RIMBP2: variants seen among roughly 807,000 people sequenced by gnomAD.
The protein encoded by RIMBP2 is RIMS binding protein 2.
A neutral mutation model predicts 118.6 loss-of-function variants in RIMBP2; 48 were observed. That is an observed-to-expected ratio of 0.40 (90% CI 0.32 to 0.51). The LOEUF (loss-of-function observed/expected upper bound fraction) is 0.51, where lower values mean the gene tolerates loss of function less well. RIMBP2 is among the 20% of genes least tolerant of loss of function. The pLI is 0.41. For missense variants in RIMBP2, 1,551 were observed against 1,768.3 expected (o/e 0.88, Z 2.20); for synonymous variants, 762 against 742.9 (o/e 1.03, Z -0.42).
At chr12:130,567,524 A>G (rs1383637237) in intron 2 of RIMBP2, among the ~76,000 whole-genome samples, 1 of 152,112 alleles carries the variant, frequency 6.6e-6, no homozygotes, top group Admixed American at 6.5e-5. Context: ...CACTAGAGGG[A>G]GACAGAACGG....
At chr12:130,417,171 G>C (rs2076152619) in intron 17 of RIMBP2, among the ~76,000 whole-genome samples, 1 of 152,152 alleles carries the variant, frequency 6.6e-6, no homozygotes, top group South Asian at 2.1e-4. Context: ...AGCCACTGTG[G>C]AAAGCAGTTT....
chr12:130,456,995 C>T (rs1194075323), intron 6 of RIMBP2, among the ~76,000 whole-genome samples: 1 of 152,224 alleles, frequency 6.6e-6, no homozygotes, highest in Admixed American at 6.5e-5. Context: ...ATGTGAGAAA[C>T]CACAGGTGCC....
intron 1 of RIMBP2, among the ~76,000 whole-genome samples, chr12:130,648,658 CT>C (rs575247641): frequency 0.042 from 5,583 of 132,442 alleles, 468 homozygotes; most frequent in African/African-American, 0.13. Context: ...AAATTAGTAT[CT>C]TTTTTTTTTT....
rs2058092224 is a variant in RIMBP2, at chr12:130,576,503, T to C, written c.-217+51819A>G. Among the ~76,000 whole-genome samples the C allele has an allele frequency of 6.6e-6, 1 of 152,276 alleles. No individual in the cohort carries two copies. The highest frequency in any genetic ancestry group is 1.9e-4 in the East Asian group (1 of 5,160). On this transcript the variant is annotated intron_variant, in intron 2 of 22. Transcript: ENST00000690449. The surrounding 1 kb of genome is among the most constrained non-coding windows in gnomAD (Gnocchi z 4.2). ...AGTATCTCCTCCCGCGGGAAGCAGA[T>C]GGCCCCTGCATGTGCACTTGCTCAT...
At chr12:130,641,099 G>A (rs955102987) in intron 1 of RIMBP2, among the ~76,000 whole-genome samples, 3 of 152,168 alleles carry the variant, frequency 2.0e-5, no homozygotes, top group African/African-American at 7.2e-5. Context: ...ATTCTAACAC[G>A]TGCCTTGGAA....
chr12:130,666,784 A>G, intron 1 of RIMBP2, among the ~76,000 whole-genome samples: 1 of 113,578 alleles, frequency 8.8e-6, no homozygotes, highest in Non-Finnish European at 1.8e-5. Context: ...AGAGGGAAGA[A>G]GGGAGGGATG....
chr12:130,666,329 A>C (rs1236042020), intron 1 of RIMBP2, among the ~76,000 whole-genome samples: 1 of 152,166 alleles, frequency 6.6e-6, no homozygotes, highest in Non-Finnish European at 1.5e-5. Flanking sequence ...GGCACAGGTC[A>C]CCAAACCCTG....
chr12:130,567,545 G>A (rs1593830188), intron 2 of RIMBP2, among the ~76,000 whole-genome samples: 1 of 152,184 alleles, frequency 6.6e-6, no homozygotes, highest in East Asian at 1.9e-4. Context: ...GGGAGAGGGA[G>A]GAGGGAGGGT....
intron 10 of RIMBP2, among the ~76,000 whole-genome samples, chr12:130,443,035 G>A (rs1006789344): frequency 2.0e-5 from 3 of 152,170 alleles, no homozygotes; most frequent in Admixed American, 1.3e-4. Context: ...ACAGTGCACA[G>A]GAAAGATTTG....
rs2061267961 is a variant in RIMBP2, at chr12:130,620,894, C to T, written c.-217+7428G>A. ...AGACTCTGTGACCCGCAGTCAACCA[C>T]CCCACCCAGCAGTGGTGAGCACCTG... On this transcript the variant is annotated intron_variant, in intron 2 of 22. Transcript: ENST00000690449. This position sits in a 1 kb window ranked among gnomAD's most constrained non-coding sequence, Gnocchi z 5.3. Among the ~76,000 whole-genome samples, 1 of 152,192 alleles carries T rather than the reference C, an allele frequency of 6.6e-6. No individual in the cohort carries two copies. The highest frequency in any genetic ancestry group is 2.1e-4 in the South Asian group (1 of 4,820).
intron 1 of RIMBP2, among the ~76,000 whole-genome samples, chr12:130,656,102 G>T (rs539734654): frequency 2.0e-5 from 3 of 152,228 alleles, no homozygotes; most frequent in Non-Finnish European, 4.4e-5. Flanking sequence ...ATGGCCAGCT[G>T]CTCTGCCAGC....
chr12:130,716,066 G>T (rs1040009341), intron 1 of RIMBP2, among the ~76,000 whole-genome samples, 156 bp downstream of exon 1: 3 of 152,122 alleles, frequency 2.0e-5, no homozygotes, highest in Non-Finnish European at 4.4e-5. Context: ...CGGACCCCAC[G>T]CTGAAGGGCA....
intron 2 of RIMBP2, among the ~76,000 whole-genome samples, chr12:130,567,584 C>A (rs192344632): frequency 3.0e-4 from 45 of 152,290 alleles, no homozygotes; most frequent in Admixed American, 2.7e-3. Flanking sequence ...AGTTGCCCCC[C>A]ACATAACTGG....
Position 130,643,078 on chromosome 12 carries a change from T to C in RIMBP2, c.-351-14622A>G, listed in dbSNP as rs148630881. ...GGTTCTCCAACAGCTGCCTCAGGGGTCCTGGCTCAGCTGGCTGTGCTTACA... is the reference window on the plus strand; with the variant it reads ...GGTTCTCCAACAGCTGCCTCAGGGGCCCTGGCTCAGCTGGCTGTGCTTACA... On this transcript the variant is annotated intron_variant, in intron 1 of 22. Transcript: ENST00000690449. Among the ~76,000 whole-genome samples the C allele has an allele frequency of 4.2e-3, 641 of 152,226 alleles. 2 individuals are homozygous for C. Among genetic ancestry groups the C allele is most frequent in the Non-Finnish European group, 7.1e-3 (482 of 68,016 alleles).
intron 1 of RIMBP2, among the ~76,000 whole-genome samples, chr12:130,695,243 G>A (rs1048285715): frequency 2.0e-5 from 3 of 152,148 alleles, no homozygotes; most frequent in Non-Finnish European, 4.4e-5. Flanking sequence ...CTGAGCCTGA[G>A]TTCCTGTTCA....
At chr12:130,715,840 G>T (rs1950291364) in intron 1 of RIMBP2, among the ~76,000 whole-genome samples, 1 of 149,276 alleles carries the variant, frequency 6.7e-6, no homozygotes, top group Admixed American at 6.7e-5. Flanking sequence ...CTCCCCAGGC[G>T]AGCGGGGCCG....
At chr12:130,489,993 A>G (rs775343565) in intron 4 of RIMBP2, among the ~76,000 whole-genome samples, 3 of 152,028 alleles carry the variant, frequency 2.0e-5, no homozygotes, top group East Asian at 1.9e-4. Context: ...GCATGGTGGC[A>G]GGCACCTGTA....
rs535664530 is a variant in RIMBP2 at position 130,441,708 on chromosome 12, G to A, written c.1504+140C>T. On this transcript the variant is annotated intron_variant, in intron 11 of 22. Transcript: ENST00000690449. ...ACGCACACACGTTCTGTGCTTCGCC[G>A]GTGACCTAAGGGATTTTCCAGGGTC... The A allele has an allele frequency of 1.5e-4, 110 of 735,282 alleles. 2 individuals carry two copies. The highest frequency in any genetic ancestry group is 7.9e-4 in the Middle Eastern group (2 of 2,540). The allele number at this position is 735,282 out of a possible 1,614,324, so 45.5% of individuals were successfully genotyped here. A position where few individuals can be genotyped will look rare whatever the true frequency, so the allele number is the denominator to read the frequency against.
intron 4 of RIMBP2, among the ~76,000 whole-genome samples, chr12:130,481,825 C>A (rs560232793): frequency 6.6e-6 from 1 of 152,272 alleles, no homozygotes; most frequent in East Asian, 1.9e-4. Context: ...CCGAGATCCG[C>A]CCTGACACAC....
Sources: gnomAD v4.1 joint callset for allele counts (sites outside exome capture counted in the v4.1 genomes callset) on GRCh38, gnomAD v4.1.1 for gene constraint, Gnocchi (gnomAD v3.1) non-coding constraint, MANE v1.5 for transcripts, NCBI Gene and HGNC (gene_info 2026-07-23, HGNC 2026-07-21) for gene names.